PRKG1: variants seen among roughly 807,000 people sequenced by gnomAD.
PRKG1 encodes protein kinase cGMP-dependent 1, also known as cGMP-dependent protein kinase 1.
PRKG1 carries 35 observed loss-of-function variants against 88.1 expected under a neutral mutation model. That is an observed-to-expected ratio of 0.40 (90% CI 0.30 to 0.53). The LOEUF (loss-of-function observed/expected upper bound fraction) is 0.53. Among genes scored for constraint, PRKG1 ranks in the 20% least tolerant of loss-of-function variants. The pLI, the probability that PRKG1 is intolerant of heterozygous loss-of-function variation, is 0.59. For synonymous variants in PRKG1, 303 were observed against 292.5 expected, an observed-to-expected ratio of 1.04 and a Z score of -0.37; for missense variants, 540 against 839.8, an observed-to-expected ratio of 0.64 and a Z score of 4.41.
At chr10:51,530,576 A>G (rs1011684288) in intron 3 of PRKG1, among the ~76,000 whole-genome samples, 6 of 152,122 alleles carry the variant, frequency 3.9e-5, no homozygotes, top group Non-Finnish European at 8.8e-5. Context: ...TATGAGTTTC[A>G]ACTGAGGTGA....
intron 3 of PRKG1, among the ~76,000 whole-genome samples, chr10:51,774,182 C>T (rs1414156959): frequency 1.3e-5 from 2 of 152,046 alleles, no homozygotes; most frequent in African/African-American, 4.8e-5. Flanking sequence ...CTTACCCAAG[C>T]TACCAGGGCC....
At chr10:51,601,603 C>T (rs1281840244) in intron 3 of PRKG1, among the ~76,000 whole-genome samples, 1 of 151,902 alleles carries the variant, frequency 6.6e-6, no homozygotes, top group Non-Finnish European at 1.5e-5. Context: ...TTGAAAAAAG[C>T]CAAATCAAAG....
At chr10:52,001,698 A>G (rs181202723) in intron 5 of PRKG1, among the ~76,000 whole-genome samples, 4 of 152,168 alleles carry the variant, frequency 2.6e-5, no homozygotes, top group African/African-American at 7.2e-5. Context: ...AAACAAAAAT[A>G]GAAGTAAAAG....
chr10:51,802,984 A>G (rs1218159656), intron 3 of PRKG1, among the ~76,000 whole-genome samples: 1 of 152,044 alleles, frequency 6.6e-6, no homozygotes, highest in Non-Finnish European at 1.5e-5. Context: ...GCTCTTGTTT[A>G]TGTACTTTCC....
chr10:52,048,646 C>T (rs1052036990), intron 5 of PRKG1, among the ~76,000 whole-genome samples: 4 of 152,012 alleles, frequency 2.6e-5, no homozygotes, highest in African/African-American at 9.7e-5. Context: ...TCTGAGAACG[C>T]AAAGGCACAC....
chr10:52,017,205 A>G (rs1845062814), intron 5 of PRKG1, among the ~76,000 whole-genome samples: 1 of 152,176 alleles, frequency 6.6e-6, no homozygotes, highest in African/African-American at 2.4e-5. Flanking sequence ...GTCATGGAGG[A>G]AACATGGAAA....
At chr10:51,889,729 G>C (rs1841668844) in intron 4 of PRKG1, among the ~76,000 whole-genome samples, 1 of 152,122 alleles carries the variant, frequency 6.6e-6, no homozygotes, top group Non-Finnish European at 1.5e-5. Context: ...GTTGTTTCCT[G>C]ACTTTTTAAT....
At chr10:51,953,002 A>G (rs1008422092) in intron 5 of PRKG1, among the ~76,000 whole-genome samples, 1 of 152,154 alleles carries the variant, frequency 6.6e-6, no homozygotes, top group Non-Finnish European at 1.5e-5. Flanking sequence ...TTTAATACTC[A>G]TTGTTTCTTC....
At chr10:51,055,821 A>C (rs1026471511) in intron 1 of PRKG1, among the ~76,000 whole-genome samples, 1 of 152,164 alleles carries the variant, frequency 6.6e-6, no homozygotes, top group African/African-American at 2.4e-5. Context: ...GCCCCATGTG[A>C]CAACTGCTCT....
At chr10:51,502,872 C>A (rs1214538745) in intron 3 of PRKG1, among the ~76,000 whole-genome samples, 1 of 152,122 alleles carries the variant, frequency 6.6e-6, no homozygotes, top group Non-Finnish European at 1.5e-5. Context: ...ATTATCAGAT[C>A]CTGATGCTTG....
At chr10:51,739,917 G>C (rs1397237123) in intron 3 of PRKG1, among the ~76,000 whole-genome samples, 2 of 152,160 alleles carry the variant, frequency 1.3e-5, no homozygotes, top group Non-Finnish European at 2.9e-5. Flanking sequence ...CTCCAGCCTG[G>C]GTGACGGAGC....
At chr10:51,646,436 T>C (rs1439425651) in intron 3 of PRKG1, among the ~76,000 whole-genome samples, 1 of 152,168 alleles carries the variant, frequency 6.6e-6, no homozygotes, top group Admixed American at 6.5e-5. Context: ...CGCATTTTTT[T>C]ATCTTACATC....
At chr10:51,035,355 A>G (rs1843339925) in intron 1 of PRKG1, among the ~76,000 whole-genome samples, 1 of 152,226 alleles carries the variant, frequency 6.6e-6, no homozygotes, top group Non-Finnish European at 1.5e-5. Context: ...TTAGAGCAGG[A>G]GACAGCAGCA....
intron 9 of PRKG1, among the ~76,000 whole-genome samples, chr10:52,164,154 C>T (rs1838362165): frequency 6.6e-6 from 1 of 152,008 alleles, no homozygotes; most frequent in Non-Finnish European, 1.5e-5. Context: ...AGTTTGAGAC[C>T]AGCCTGGCCA....
At chr10:51,498,479 T>G (rs1840926828) in intron 3 of PRKG1, among the ~76,000 whole-genome samples, 1 of 152,190 alleles carries the variant, frequency 6.6e-6, no homozygotes. Context: ...AACATTGAAT[T>G]TAGTACTTTA....
Position 51,687,801 on chromosome 10 carries a change from A to T in PRKG1, c.593-116784A>T, listed in dbSNP as rs139145812. Among the ~76,000 whole-genome samples the T allele has an allele frequency of 9.8e-5, 15 of 152,322 alleles. No homozygotes were observed. In the East Asian group the frequency reaches 2.9e-3, roughly 29 times the overall value. On this transcript the variant is annotated intron_variant, in intron 3 of 17. Coordinates refer to ENST00000373980, the MANE Select transcript of PRKG1 (RefSeq NM_006258.4). ...CAATTCAATACAACTTCTTCTCCATATCTAAGGAAAAAAGGGTTACACATA... is the reference window on the plus strand; with the variant it reads ...CAATTCAATACAACTTCTTCTCCATTTCTAAGGAAAAAAGGGTTACACATA...
rs35365020 is a variant in PRKG1, at chr10:51,797,179, A to AT, written c.593-7392dup. On this transcript the variant is annotated intron_variant, in intron 3 of 17. Coordinates refer to ENST00000373980, the MANE Select transcript of PRKG1 (RefSeq NM_006258.4). ...CCTTAAAAACTCTAGGTATCTGAGT[A>AT]TTTTTTTTTTTTTTAAATACTGATG... 6.5e-3 allele frequency among the ~76,000 whole-genome samples: 945 copies of AT among 145,098 alleles called. 14 individuals carry two copies. Among genetic ancestry groups the AT allele is most frequent in the African/African-American group, 0.022 (880 of 39,730 alleles).
intron 2 of PRKG1, among the ~76,000 whole-genome samples, chr10:51,268,387 T>G (rs1839892215): frequency 6.6e-6 from 1 of 152,140 alleles, no homozygotes; most frequent in Admixed American, 6.6e-5. Context: ...CTGGGGCTTA[T>G]TTCATCCCTA....
At chr10:51,831,662 C>T (rs1282694288) in intron 4 of PRKG1, among the ~76,000 whole-genome samples, 1 of 152,096 alleles carries the variant, frequency 6.6e-6, no homozygotes, top group Non-Finnish European at 1.5e-5. Context: ...TTTTCATGGC[C>T]CAAGATGGCT....
Sources: gnomAD v4.1 joint callset for allele counts (sites outside exome capture counted in the v4.1 genomes callset) on GRCh38, gnomAD v4.1.1 for gene constraint, MANE v1.5 for transcripts, NCBI Gene and HGNC (gene_info 2026-07-23, HGNC 2026-07-21) for gene names.